The following PDE4D variants were observed in gnomAD, a reference collection of about 807,000 sequenced individuals.
PDE4D encodes the protein phosphodiesterase 4D, also known as 3',5'-cyclic-AMP phosphodiesterase 4D.
A neutral mutation model predicts 87.4 loss-of-function variants in PDE4D; 24 were observed. The observed-to-expected ratio is 0.27, with a 90% CI of 0.20 to 0.39. The LOEUF (loss-of-function observed/expected upper bound fraction) is 0.39, where lower values mean the gene tolerates loss of function less well. PDE4D is among the 10% of genes least tolerant of loss of function. The pLI is 1.00. For synonymous variants in PDE4D, 384 were observed against 383.2 expected, an observed-to-expected ratio of 1.00 and a Z score of -0.02; for missense variants, 714 against 1,041.0, an observed-to-expected ratio of 0.69 and a Z score of 4.32.
chr5:59,025,087 C>T (rs944098705), intron 6 of PDE4D, among the ~76,000 whole-genome samples: 5 of 151,812 alleles, frequency 3.3e-5, no homozygotes, highest in Non-Finnish European at 7.4e-5. Flanking sequence ...AGGATTATAG[C>T]TTTGTTCAAT....
At chr5:59,485,730 A>G (rs1306312895) in intron 1 of PDE4D, among the ~76,000 whole-genome samples, 1 of 152,162 alleles carries the variant, frequency 6.6e-6, no homozygotes, top group Non-Finnish European at 1.5e-5. Flanking sequence ...GCATAAGATT[A>G]GAGCCTACAC....
intron 5 of PDE4D, among the ~76,000 whole-genome samples, chr5:59,065,840 C>T (rs1285391212): frequency 6.6e-6 from 1 of 152,220 alleles, no homozygotes; most frequent in East Asian, 1.9e-4. Context: ...TTGGGACTCT[C>T]TTATAAGAAA....
intron 1 of PDE4D, among the ~76,000 whole-genome samples, chr5:59,305,450 G>T (rs1391880292): frequency 6.6e-6 from 1 of 151,500 alleles, no homozygotes; most frequent in African/African-American, 2.4e-5. Flanking sequence ...CTGGGTTTGG[G>T]TTTGGTTTGT....
chr5:60,232,007 T>C (rs1275092349), intron 1 of PDE4D, among the ~76,000 whole-genome samples: 1 of 151,998 alleles, frequency 6.6e-6, no homozygotes, highest in African/African-American at 2.4e-5. Flanking sequence ...AAATTCCCTC[T>C]AATCATTCTC....
At chr5:59,288,738 C>T (rs1767457914) in intron 1 of PDE4D, among the ~76,000 whole-genome samples, 2 of 151,980 alleles carry the variant, frequency 1.3e-5, no homozygotes, top group South Asian at 4.2e-4. Flanking sequence ...CACTGGAGTT[C>T]CAATATATCT....
At chr5:58,980,839 A>G (rs1744950860) in intron 11 of PDE4D, among the ~76,000 whole-genome samples, 1 of 152,100 alleles carries the variant, frequency 6.6e-6, no homozygotes, top group African/African-American at 2.4e-5. Context: ...AGACACATTT[A>G]TTTATTATAG....
chr5:59,667,301 GC>G lies in PDE4D; in HGVS notation c.455+225866del, dbSNP rs530806456. ...GTGTTGTGTTTTGCTGTGTTGCGTT[GC>G]ATTGCATTGCATTGCATTACATTTT... On this transcript the variant is annotated intron_variant, in intron 1 of 14. Coordinates refer to ENST00000340635, the MANE Select transcript of PDE4D (RefSeq NM_001104631.2). Among the ~76,000 whole-genome samples, 128 of 151,954 alleles carry G rather than the reference GC, an allele frequency of 8.4e-4. 2 individuals carry two copies. Among genetic ancestry groups the G allele is most frequent in the Admixed American group, 1.8e-3 (27 of 15,254 alleles).
At chr5:59,314,990 C>G (rs1486481023) in intron 1 of PDE4D, among the ~76,000 whole-genome samples, 5 of 152,116 alleles carry the variant, frequency 3.3e-5, no homozygotes, top group Non-Finnish European at 7.4e-5. Context: ...GAAGTTCATG[C>G]CTTGTTGGGG....
intron 1 of PDE4D, among the ~76,000 whole-genome samples, chr5:59,547,784 C>T (rs188513372): frequency 6.6e-6 from 1 of 152,034 alleles, no homozygotes; most frequent in East Asian, 1.9e-4. Flanking sequence ...TCTGATTTTC[C>T]TTTGATTAAT....
intron 1 of PDE4D, among the ~76,000 whole-genome samples, chr5:59,405,535 C>T (rs796438714): frequency 1.3e-5 from 2 of 152,328 alleles, no homozygotes; most frequent in African/African-American, 4.8e-5. Context: ...AATAACTTGA[C>T]TTCTTCCTTT....
chr5:59,768,676 GAGCGCACTCCTCCGCGGA>G (rs1763118862), intron 1 of PDE4D: 4 of 1,472,468 alleles, frequency 2.7e-6, no homozygotes, highest in Non-Finnish European at 3.6e-6. Flanking sequence ...CAGAGGAGGC[GAGCGCACTCCTCCGCGGA>G]AGCGTATTAA....
chr5:59,885,088 C>A (rs145157696), intron 1 of PDE4D, among the ~76,000 whole-genome samples: 9 of 151,876 alleles, frequency 5.9e-5, no homozygotes, highest in Non-Finnish European at 1.3e-4. Context: ...AATAATTTAT[C>A]CTTTTCTCAC....
intron 2 of PDE4D, among the ~76,000 whole-genome samples, chr5:60,093,509 C>T (rs1436060174): frequency 6.6e-6 from 1 of 152,080 alleles, no homozygotes; most frequent in Non-Finnish European, 1.5e-5. Context: ...TATCTTCATG[C>T]CTGGGTAGAG....
At chr5:59,187,272 T>C (rs12108992) in intron 3 of PDE4D, among the ~76,000 whole-genome samples, 37,001 of 152,070 alleles carry the variant, frequency 0.24, 4,780 homozygotes, top group African/African-American at 0.3. Context: ...TAATCTAATT[T>C]AATATTATTT....
intron 1 of PDE4D, among the ~76,000 whole-genome samples, chr5:59,718,549 C>T (rs1221892558): frequency 6.6e-6 from 1 of 152,146 alleles, no homozygotes; most frequent in Admixed American, 6.5e-5. Flanking sequence ...TTCAAACGCA[C>T]ATAAAGTAAT....
chr5:58,983,340 TTATG>T (rs1215712941), intron 11 of PDE4D, among the ~76,000 whole-genome samples: 5 of 152,216 alleles, frequency 3.3e-5, no homozygotes, highest in Admixed American at 6.5e-5. Flanking sequence ...GGCCACTTCT[TTATG>T]TAATTTGTGC....
At chr5:60,359,754 C>T (rs891721969) in intron 1 of PDE4D, among the ~76,000 whole-genome samples, 2 of 152,192 alleles carry the variant, frequency 1.3e-5, no homozygotes, top group African/African-American at 4.8e-5. Flanking sequence ...TGCACACTAT[C>T]TGTGCATTAT....
chr5:60,126,686 C>T (rs968184393), intron 2 of PDE4D, among the ~76,000 whole-genome samples: 2 of 152,168 alleles, frequency 1.3e-5, no homozygotes, highest in Admixed American at 6.6e-5. Context: ...TATTTAAACA[C>T]TAGCCATTAA....
chr5:59,055,443 G>T (rs1052130829), intron 5 of PDE4D, among the ~76,000 whole-genome samples: 3 of 152,050 alleles, frequency 2.0e-5, no homozygotes, highest in African/African-American at 7.2e-5. Flanking sequence ...CCTTAGACTT[G>T]TCTGCCCCCA....
Sources: allele counts gnomAD v4.1 joint callset (sites outside exome capture counted in the v4.1 genomes callset), GRCh38; gene constraint gnomAD v4.1.1; transcripts MANE v1.5; gene names NCBI Gene and HGNC (gene_info 2026-07-23, HGNC 2026-07-21).